The following KDM4C variants were observed in gnomAD, a reference collection of about 807,000 sequenced individuals.
KDM4C encodes lysine demethylase 4C, also known as lysine-specific demethylase 4C.
In KDM4C, 81 loss-of-function variants were observed where a neutral mutation model predicts 129.3. The ratio of observed to expected loss-of-function variants is 0.63; its 90% CI spans 0.52 to 0.75. The LOEUF is 0.75. Ranked by LOEUF, KDM4C falls within the 30% of genes least tolerant of loss-of-function variation. The probability of loss-of-function intolerance (pLI) is 0.00; values close to 1 mark genes in which losing one functional copy is unlikely to be tolerated. For synonymous variants in KDM4C, 573 were observed against 456.1 expected (o/e 1.26, Z -3.26); for missense variants, 1,457 against 1,304.0 (o/e 1.12, Z -1.81).
intron 17 of KDM4C, among the ~76,000 whole-genome samples, chr9:7,056,262 A>G (rs1830851502): frequency 6.6e-6 from 1 of 152,182 alleles, no homozygotes; most frequent in African/African-American, 2.4e-5. Flanking sequence ...GCCAGTATAA[A>G]ATTATATAAC....
chr9:6,907,373 A>G (rs1589041372), intron 8 of KDM4C, among the ~76,000 whole-genome samples: 1 of 152,148 alleles, frequency 6.6e-6, no homozygotes, highest in African/African-American at 2.4e-5. Flanking sequence ...GTTGACATTC[A>G]TTTATTTATT....
chr9:6,833,040 A>T (rs1009178088), intron 4 of KDM4C, among the ~76,000 whole-genome samples: 2 of 151,840 alleles, frequency 1.3e-5, no homozygotes, highest in Non-Finnish European at 2.9e-5. Context: ...CTGGTCGTAA[A>T]GTAGTATAGA....
At chr9:6,917,904 G>T (rs1820614765) in intron 8 of KDM4C, among the ~76,000 whole-genome samples, 3 of 152,074 alleles carry the variant, frequency 2.0e-5, no homozygotes, top group Non-Finnish European at 2.9e-5. Context: ...CCATTGTCCA[G>T]GCATCTCAAT....
At chr9:6,995,949 T>G (rs1305870004) in intron 12 of KDM4C, among the ~76,000 whole-genome samples, 4 of 152,164 alleles carry the variant, frequency 2.6e-5, no homozygotes, top group Admixed American at 2.6e-4. Context: ...ATTACAGGCG[T>G]GAGCCACCGC....
chr9:6,988,213 G>A (rs1818085210), intron 11 of KDM4C, among the ~76,000 whole-genome samples: 2 of 145,772 alleles, frequency 1.4e-5, no homozygotes, highest in South Asian at 4.5e-4. Context: ...TTAATTTCAT[G>A]AATGGCTTAA....
At chr9:6,888,622 T>C (rs1270105497) in intron 7 of KDM4C, among the ~76,000 whole-genome samples, 1 of 152,164 alleles carries the variant, frequency 6.6e-6, no homozygotes, top group East Asian at 1.9e-4. Context: ...TGGGTGGTTA[T>C]TGGGTCAGAA....
At chr9:6,793,485 A>G (rs773830029) in intron 2 of KDM4C, among the ~76,000 whole-genome samples, 1 of 151,404 alleles carries the variant, frequency 6.6e-6, no homozygotes, top group Admixed American at 6.6e-5. Context: ...AAGGTTAACC[A>G]CAATTTCTCT....
chr9:6,840,293 GAACT>G (rs1588627494), intron 4 of KDM4C, among the ~76,000 whole-genome samples: 1 of 151,966 alleles, frequency 6.6e-6, no homozygotes, highest in East Asian at 1.9e-4. Context: ...GGCTAGTCTT[GAACT>G]CCTGGGCTCA....
At chr9:6,831,799 C>G (rs1224234883) in intron 4 of KDM4C, among the ~76,000 whole-genome samples, 1 of 152,154 alleles carries the variant, frequency 6.6e-6, no homozygotes, top group Non-Finnish European at 1.5e-5. Context: ...GGAAGCTCTA[C>G]TCAGTGATGA....
chr9:6,963,252 A>G (rs1830324279), intron 8 of KDM4C, among the ~76,000 whole-genome samples: 1 of 152,250 alleles, frequency 6.6e-6, no homozygotes, highest in South Asian at 2.1e-4. Flanking sequence ...AAAAAATACT[A>G]GACAAATGCT....
intron 5 of KDM4C, among the ~76,000 whole-genome samples, chr9:6,877,568 A>G (rs947352799): frequency 6.6e-6 from 1 of 152,174 alleles, no homozygotes; most frequent in South Asian, 2.1e-4. Flanking sequence ...TTGTTCTTTG[A>G]TCCCCTAGGG....
At chr9:6,819,182 A>T (rs1269844826) in intron 4 of KDM4C, 2 of 152,250 alleles carry the variant, frequency 1.3e-5, no homozygotes, top group Non-Finnish European at 2.9e-5. Context: ...AGAAAAATTG[A>T]TACAAAAATG....
chr9:7,023,383 A>G lies in KDM4C; in HGVS notation c.2259+7454A>G, dbSNP rs763771095. On this transcript the variant is annotated intron_variant, in intron 15 of 21. Transcript: ENST00000381309. The stretch of plus-strand genomic sequence containing the variant: ...CAATCTTAGTAGGTTGAATATTTCT[A>G]GGAATTTACCCATTTGTTTTAGATT... 7.4e-4 allele frequency among the ~76,000 whole-genome samples: 112 copies of G among 152,100 alleles called. 1 individual carries two copies. Among genetic ancestry groups the G allele is most frequent in the Non-Finnish European group, 3.7e-4 (25 of 68,024 alleles).
chr9:6,786,357 G>C (rs1267759440), intron 1 of KDM4C, among the ~76,000 whole-genome samples: 1 of 152,140 alleles, frequency 6.6e-6, no homozygotes, highest in Non-Finnish European at 1.5e-5. Context: ...TTATTCAATG[G>C]AAAGGTCTTT....
intron 1 of KDM4C, among the ~76,000 whole-genome samples, chr9:6,724,762 C>G (rs1317146745): frequency 1.3e-5 from 2 of 152,124 alleles, no homozygotes; most frequent in East Asian, 1.9e-4. Context: ...ATCTCTTGAC[C>G]TCGTGATCTG....
chr9:7,069,178 T>C (rs1832862736), intron 17 of KDM4C, among the ~76,000 whole-genome samples: 1 of 152,218 alleles, frequency 6.6e-6, no homozygotes, highest in Non-Finnish European at 1.5e-5. Flanking sequence ...TTCCTTCTTA[T>C]TGTTATTATG....
chr9:6,822,088 A>G (rs1204379052), intron 4 of KDM4C, among the ~76,000 whole-genome samples: 1 of 152,234 alleles, frequency 6.6e-6, no homozygotes, highest in African/African-American at 2.4e-5. Flanking sequence ...TCTCAAAGGC[A>G]TGGGGCGAAT....
chr9:7,074,698 G>A (rs1286693926), intron 17 of KDM4C, among the ~76,000 whole-genome samples: 1 of 152,126 alleles, frequency 6.6e-6, no homozygotes, highest in Admixed American at 6.5e-5. Flanking sequence ...ACTATTTGCA[G>A]TTTTCATTAC....
intron 19 of KDM4C, among the ~76,000 whole-genome samples, chr9:7,140,963 G>A (rs566785706): frequency 5.0e-4 from 76 of 152,358 alleles, no homozygotes; most frequent in African/African-American, 1.8e-3. Flanking sequence ...ACACAGGGCA[G>A]AGGGAAGGCA....
Sources: allele counts gnomAD v4.1 joint callset (sites outside exome capture counted in the v4.1 genomes callset), GRCh38; gene constraint gnomAD v4.1.1; transcripts MANE v1.5; gene names NCBI Gene and HGNC (gene_info 2026-07-23, HGNC 2026-07-21).